PRKD1: variants seen among roughly 807,000 people sequenced by gnomAD.
PRKD1 encodes the protein protein kinase D1.
In PRKD1, 63 loss-of-function variants were observed where a neutral mutation model predicts 95.9. The ratio of observed to expected loss-of-function variants is 0.66; its 90% CI spans 0.54 to 0.81. The LOEUF (loss-of-function observed/expected upper bound fraction) is 0.81. Among genes scored for constraint, PRKD1 ranks in the 30% least tolerant of loss-of-function variants. PRKD1 has a pLI of 0.00. For synonymous variants in PRKD1, 425 were observed against 423.1 expected, an observed-to-expected ratio of 1.00 and a Z score of -0.05; for missense variants, 1,048 against 1,165.3, an observed-to-expected ratio of 0.90 and a Z score of 1.47.
At chr14:29,691,609 G>T (rs1884239079) in intron 2 of PRKD1, among the ~76,000 whole-genome samples, 1 of 152,068 alleles carries the variant, frequency 6.6e-6, no homozygotes, top group Non-Finnish European at 1.5e-5. Flanking sequence ...CAATTATTAG[G>T]TTGGTGCAAA....
chr14:29,693,118 T>C (rs1170073806), intron 2 of PRKD1, among the ~76,000 whole-genome samples: 1 of 152,154 alleles, frequency 6.6e-6, no homozygotes, highest in African/African-American at 2.4e-5. Context: ...AGAAACAACT[T>C]CTGCAAAGTA....
chr14:29,729,133 G>GT (rs1296195060), intron 1 of PRKD1, among the ~76,000 whole-genome samples: 3 of 152,004 alleles, frequency 2.0e-5, no homozygotes, highest in Non-Finnish European at 4.4e-5. Flanking sequence ...AAATCGCATT[G>GT]TTTAAAATTT....
chr14:29,881,944 A>G (rs1893529342), intron 1 of PRKD1, among the ~76,000 whole-genome samples: 1 of 152,124 alleles, frequency 6.6e-6, no homozygotes, highest in Non-Finnish European at 1.5e-5. Context: ...AGCACGTCTT[A>G]CTTATCCCTT....
chr14:29,824,276 C>T (rs1891028198), intron 1 of PRKD1, among the ~76,000 whole-genome samples: 1 of 152,186 alleles, frequency 6.6e-6, no homozygotes, highest in East Asian at 1.9e-4. Flanking sequence ...GCCAACTAAG[C>T]TAAATAATGC....
chr14:29,861,146 CTA>C (rs1892696543), intron 1 of PRKD1, among the ~76,000 whole-genome samples: 2 of 152,144 alleles, frequency 1.3e-5, no homozygotes, highest in African/African-American at 4.8e-5. Context: ...GCCCAACAAA[CTA>C]TGACTAGCAC....
chr14:29,692,427 C>G (rs550886528), intron 2 of PRKD1, among the ~76,000 whole-genome samples: 1 of 152,256 alleles, frequency 6.6e-6, no homozygotes, highest in South Asian at 2.1e-4. Context: ...AACTCTACAA[C>G]TTAAGCACTG....
At chr14:29,605,936 T>C (rs920590040) in intron 13 of PRKD1, among the ~76,000 whole-genome samples, 2 of 152,216 alleles carry the variant, frequency 1.3e-5, no homozygotes, top group African/African-American at 4.8e-5. Flanking sequence ...GGCTTTTTAA[T>C]TGAGTTCTCT....
At chr14:29,783,864 G>A (rs1889154878) in intron 1 of PRKD1, among the ~76,000 whole-genome samples, 1 of 152,128 alleles carries the variant, frequency 6.6e-6, no homozygotes, top group Non-Finnish European at 1.5e-5. Context: ...GGTTGAGTTT[G>A]TTGTATATTC....
intron 1 of PRKD1, among the ~76,000 whole-genome samples, chr14:29,863,860 T>TAGAGCA (rs1892793496): frequency 6.6e-6 from 1 of 152,080 alleles, no homozygotes; most frequent in Admixed American, 6.6e-5. Flanking sequence ...ACAGAGTTTT[T>TAGAGCA]CAAAGAATCT....
At chr14:29,726,545 G>A (rs944441106) in intron 1 of PRKD1, among the ~76,000 whole-genome samples, 1 of 152,086 alleles carries the variant, frequency 6.6e-6, no homozygotes, top group Non-Finnish European at 1.5e-5. Flanking sequence ...TGTCAATACA[G>A]GTGGACCTTA....
chr14:29,797,270 A>G (rs1889857880), intron 1 of PRKD1, among the ~76,000 whole-genome samples: 1 of 152,194 alleles, frequency 6.6e-6, no homozygotes, highest in Admixed American at 6.5e-5. Flanking sequence ...GGAGGATATC[A>G]GTATGCCTTG....
intron 1 of PRKD1, among the ~76,000 whole-genome samples, chr14:29,793,316 G>T (rs1889640302): frequency 6.6e-6 from 1 of 151,652 alleles, no homozygotes; most frequent in African/African-American, 2.4e-5. Flanking sequence ...AACAAAAAGA[G>T]CAAATTTTTC....
chr14:29,667,767 G>A (rs1243439983), intron 2 of PRKD1, among the ~76,000 whole-genome samples: 2 of 151,978 alleles, frequency 1.3e-5, no homozygotes, highest in Non-Finnish European at 2.9e-5. Flanking sequence ...CTATCACAAC[G>A]ATTAGTTGAA....
At chr14:29,794,349 A>G (rs1889713914) in intron 1 of PRKD1, among the ~76,000 whole-genome samples, 1 of 151,992 alleles carries the variant, frequency 6.6e-6, no homozygotes, top group African/African-American at 2.4e-5. Flanking sequence ...ACAAATAGAA[A>G]TATAAAGTAC....
intron 1 of PRKD1, among the ~76,000 whole-genome samples, chr14:29,773,063 G>A (rs1395012074): frequency 6.6e-6 from 1 of 152,142 alleles, no homozygotes; most frequent in Admixed American, 6.5e-5. Flanking sequence ...TGTTTGCACT[G>A]TTGAAAATAT....
At chr14:29,784,087 G>A (rs746066626) in intron 1 of PRKD1, among the ~76,000 whole-genome samples, 3 of 151,978 alleles carry the variant, frequency 2.0e-5, no homozygotes, top group African/African-American at 7.3e-5. Context: ...TTCTTCTAGC[G>A]GTTTTATAGT....
intron 1 of PRKD1, among the ~76,000 whole-genome samples, chr14:29,851,674 A>T (rs1892312314): frequency 6.6e-6 from 1 of 152,182 alleles, no homozygotes; most frequent in Non-Finnish European, 1.5e-5. Context: ...AGCAGTTTGG[A>T]GACTGCTCAA....
chr14:29,586,556 C>T (rs1471185707), intron 16 of PRKD1, among the ~76,000 whole-genome samples: 1 of 151,994 alleles, frequency 6.6e-6, no homozygotes, highest in African/African-American at 2.4e-5. Context: ...TTTCTTATCC[C>T]CAAATCAAAT....
At chr14:29,736,460 ATC>A (rs1242345588) in intron 1 of PRKD1, among the ~76,000 whole-genome samples, 2 of 152,154 alleles carry the variant, frequency 1.3e-5, no homozygotes, top group Admixed American at 6.5e-5. Flanking sequence ...GGTCATAATC[ATC>A]TGTTTTTATG....
Sources: allele counts gnomAD v4.1 joint callset (sites outside exome capture counted in the v4.1 genomes callset), GRCh38; gene constraint gnomAD v4.1.1; transcripts MANE v1.5; gene names NCBI Gene and HGNC (gene_info 2026-07-23, HGNC 2026-07-21).